The following RNF17 variants were observed in gnomAD, a reference collection of about 807,000 sequenced individuals.
RNF17 encodes spermatogenesis associated 23.
Under a neutral mutation model 200.5 loss-of-function variants are expected in RNF17, and 31 were observed. That is an observed-to-expected ratio of 0.15 (90% CI 0.12 to 0.21). The LOEUF is 0.21. RNF17 is among the 10% of genes least tolerant of loss of function. The pLI is 1.00. For synonymous variants in RNF17, 606 were observed against 637.8 expected (o/e 0.95, Z 0.75); for missense variants, 1,628 against 1,905.1 (o/e 0.85, Z 2.71).
intron 28 of RNF17, among the ~76,000 whole-genome samples, chr13:24,863,349 A>ATTT (rs1893286962): frequency 6.6e-6 from 1 of 152,240 alleles, no homozygotes; most frequent in East Asian, 1.9e-4. Flanking sequence ...TGAAATGCAC[A>ATTT]AAGGTACAGA....
chr13:24,853,548 A>C (rs1443889354), intron 24 of RNF17, among the ~76,000 whole-genome samples: 1 of 152,138 alleles, frequency 6.6e-6, no homozygotes, highest in African/African-American at 2.4e-5. Flanking sequence ...ATCATCTTAA[A>C]GGTGTTGTAT....
At chr13:24,759,770 A>C (rs1279274004), upstream of RNF17, among the ~76,000 whole-genome samples, 1 of 152,214 alleles carries the variant, frequency 6.6e-6, no homozygotes, top group Non-Finnish European at 1.5e-5. Context: ...CACCAAGTTA[A>C]AAAGAAAACA....
chr13:24,797,705 A>AGTTTGTGTGTCTGTGTGTGTGTGTGTGT lies in RNF17; in HGVS notation c.1399+1412_1399+1413insTTGTGTGTCTGTGTGTGTGTGTGTGTGT, dbSNP rs59493601. Among the ~76,000 whole-genome samples, 736 of 119,070 alleles carry AGTTTGTGTGTCTGTGTGTGTGTGTGTGT rather than the reference A, an allele frequency of 6.2e-3. 39 individuals carry two copies. The highest frequency in any genetic ancestry group is 0.018 in the African/African-American group (549 of 31,262). The allele number at this position is 119,070 out of a possible 152,430, so 78.1% of individuals were successfully genotyped here. A position where few individuals can be genotyped will look rare whatever the true frequency, so the allele number is the denominator to read the frequency against. The stretch of plus-strand genomic sequence containing the variant: ...GAGAGAGAGAGAGAGAGAGACAAAG[A>AGTTTGTGTGTCTGTGTGTGTGTGTGTGT]GTGTGTGTGTGTGTGTGTGTGTGTG... On this transcript the variant is annotated intron_variant, in intron 11 of 35. Transcript: ENST00000255324.
the RNF17 span, among the ~76,000 whole-genome samples, chr13:24,749,997 C>G: frequency 2.6e-5 from 4 of 152,150 alleles, no homozygotes; most frequent in Non-Finnish European, 4.4e-5. Context: ...AGTGATCCAC[C>G]TACCTTGGCC....
intron 25 of RNF17, among the ~76,000 whole-genome samples, chr13:24,855,886 T>A (rs769978165): frequency 5.9e-5 from 9 of 152,176 alleles, no homozygotes; most frequent in Non-Finnish European, 1.3e-4. Context: ...TCGTTTGTAT[T>A]TCTGTGTTTT....
upstream of RNF17, among the ~76,000 whole-genome samples, chr13:24,763,882 TA>T (rs1234162796): frequency 6.6e-6 from 1 of 152,158 alleles, no homozygotes; most frequent in Non-Finnish European, 1.5e-5. Context: ...TCCAAATGAT[TA>T]TCTATAAAGT....
chr13:24,883,236 A>T (rs747324386), downstream of RNF17: 1 of 1,613,986 alleles, frequency 6.2e-7, no homozygotes, highest in South Asian at 1.1e-5. Context: ...ATCCGACCGG[A>T]TCTGTACTTC....
At chr13:24,817,573 G>A (rs568996568) in intron 15 of RNF17, among the ~76,000 whole-genome samples, 1 of 152,014 alleles carries the variant, frequency 6.6e-6, no homozygotes, top group Non-Finnish European at 1.5e-5. Context: ...ACAAAAATTA[G>A]CCAGCTGTGG....
chr13:24,885,111 G>A, the RNF17 span, among the ~76,000 whole-genome samples: 7 of 152,344 alleles, frequency 4.6e-5, no homozygotes, highest in African/African-American at 1.7e-4. Flanking sequence ...TAAGAACAAA[G>A]ATCATACAGA....
intron 33 of RNF17, among the ~76,000 whole-genome samples, chr13:24,876,438 A>G (rs908721739): frequency 2.6e-5 from 4 of 152,194 alleles, no homozygotes; most frequent in Admixed American, 6.5e-5. Flanking sequence ...TATTTTGGGT[A>G]TATACCCAGA....
chr13:24,884,244 A>T (rs868713520), downstream of RNF17: 5 of 1,614,090 alleles, frequency 3.1e-6, no homozygotes, highest in Middle Eastern at 3.3e-4. Flanking sequence ...ATAGTAGTAG[A>T]TCTGTAAAGA....
chr13:24,763,378 T>A (rs1252010443), upstream of RNF17, among the ~76,000 whole-genome samples: 3 of 143,262 alleles, frequency 2.1e-5, no homozygotes, highest in African/African-American at 8.3e-5. Flanking sequence ...AATTTTTTTT[T>A]TTTTTTTTTT....
At chr13:24,868,831 C>T (rs892464982) in intron 31 of RNF17, 115 bp downstream of exon 31, 9 of 683,372 alleles carry the variant, frequency 1.3e-5, no homozygotes, top group African/African-American at 3.6e-5. Context: ...GTTGCAAATT[C>T]GTGAACTCTA....
intron 15 of RNF17, 76 bp from the exon 16 acceptor site, chr13:24,825,543 C>A: frequency 2.3e-6 from 2 of 868,340 alleles, no homozygotes; most frequent in Non-Finnish European, 3.5e-6. Flanking sequence ...ATTTCAATGA[C>A]AGTGCTTGTA....
At chr13:24,859,593 C>T (rs914668661) in intron 26 of RNF17, among the ~76,000 whole-genome samples, 1 of 151,644 alleles carries the variant, frequency 6.6e-6, no homozygotes, top group Non-Finnish European at 1.5e-5. Flanking sequence ...TCAAAAATAG[C>T]TACATCCTTT....
chr13:24,871,841 C>CGGT (rs1296883564), intron 32 of RNF17, among the ~76,000 whole-genome samples: 1 of 151,942 alleles, frequency 6.6e-6, no homozygotes, highest in Non-Finnish European at 1.5e-5. Context: ...CTATCTTGGC[C>CGGT]GGTCTGGTCT....
At chr13:24,883,179 A>G (rs1953911515), downstream of RNF17, 1 of 1,613,770 alleles carries the variant, frequency 6.2e-7, no homozygotes. Flanking sequence ...GAGGATCGTC[A>G]CAGCTCCGTG....
rs184650929 is a variant in RNF17 at position 24,831,750 on chromosome 13, T to C, written c.2362-108T>C. 57 of 958,484 alleles carry C rather than the reference T, an allele frequency of 5.9e-5. No homozygotes were observed. The African/African-American group carries it at 7.9e-4, about 13-fold the overall frequency. 59.4% of individuals were successfully genotyped at this position (958,484 alleles called of 1,614,324 possible). On this transcript the variant is annotated intron_variant, in intron 17 of 35. Coordinates refer to ENST00000255324, the MANE Select transcript of RNF17 (RefSeq NM_031277.3). ...ATTATTTGATTATTTCTAATATGTA[T>C]GAAATTCAAACATAAAGATTAGTTT...
intron 7 of RNF17, among the ~76,000 whole-genome samples, chr13:24,789,101 A>G (rs567442878): frequency 6.6e-6 from 1 of 152,240 alleles, no homozygotes; most frequent in East Asian, 1.9e-4. Context: ...ACAGTTGCAA[A>G]ATGAATCTGA....
Sources: gnomAD v4.1 joint callset for allele counts (sites outside exome capture counted in the v4.1 genomes callset) on GRCh38, gnomAD v4.1.1 for gene constraint, MANE v1.5 for transcripts, NCBI Gene and HGNC (gene_info 2026-07-23, HGNC 2026-07-21) for gene names.